Variants in ZRANB3 observed in about 807,000 individuals in gnomAD.
The protein encoded by ZRANB3 is DNA annealing helicase and endonuclease ZRANB3.
Under a neutral mutation model 133.8 loss-of-function variants are expected in ZRANB3, and 125 were observed. That is an observed-to-expected ratio of 0.93 (90% CI 0.81 to 1.08). The LOEUF (loss-of-function observed/expected upper bound fraction) is 1.08. Ranked by LOEUF, ZRANB3 falls within the 50% of genes least tolerant of loss-of-function variation. The probability of loss-of-function intolerance (pLI) is 0.00; values close to 1 mark genes in which losing one functional copy is unlikely to be tolerated. For missense variants in ZRANB3, 1,229 were observed against 1,275.5 expected (o/e 0.96, Z 0.56); for synonymous variants, 387 against 432.7 (o/e 0.89, Z 1.31).
chr2:135,394,543 C>G (rs1390226673), intron 2 of ZRANB3, among the ~76,000 whole-genome samples: 4 of 151,780 alleles, frequency 2.6e-5, no homozygotes, highest in Non-Finnish European at 5.9e-5. Flanking sequence ...GATGTGATCA[C>G]CTAGGAAGGA....
intron 2 of ZRANB3, among the ~76,000 whole-genome samples, chr2:135,467,266 C>T (rs1691041243): frequency 6.6e-6 from 1 of 152,180 alleles, no homozygotes. Context: ...TCTCTTAAGA[C>T]TCCCAAATAC....
chr2:135,288,336 A>G (rs1030105920), intron 8 of ZRANB3, among the ~76,000 whole-genome samples: 2 of 152,082 alleles, frequency 1.3e-5, no homozygotes, highest in Non-Finnish European at 2.9e-5. Flanking sequence ...TTGGTTAGCT[A>G]GTATTTTGTT....
intron 12 of ZRANB3, among the ~76,000 whole-genome samples, chr2:135,262,807 A>AC (rs1204310929): frequency 6.6e-5 from 10 of 151,868 alleles, no homozygotes; most frequent in Non-Finnish European, 1.5e-4. Context: ...TAAAAAAAAA[A>AC]AAGGCTAGGA....
intron 2 of ZRANB3, among the ~76,000 whole-genome samples, chr2:135,410,478 A>C (rs1202821127): frequency 6.6e-6 from 1 of 152,192 alleles, no homozygotes; most frequent in Admixed American, 6.5e-5. Context: ...CATATATAAA[A>C]ATTAACTCAA....
chr2:135,521,583 G>A (rs929979340), intron 1 of ZRANB3, among the ~76,000 whole-genome samples: 3 of 152,106 alleles, frequency 2.0e-5, no homozygotes, highest in Non-Finnish European at 4.4e-5. Flanking sequence ...ACTACAGAAG[G>A]TATTGGGTAA....
intron 2 of ZRANB3, among the ~76,000 whole-genome samples, chr2:135,414,666 A>G (rs1688471132): frequency 6.6e-6 from 1 of 152,106 alleles, no homozygotes; most frequent in African/African-American, 2.4e-5. Flanking sequence ...TTTCAGCACC[A>G]CACCACACCT....
intron 12 of ZRANB3, among the ~76,000 whole-genome samples, chr2:135,262,180 A>C (rs1427853669): frequency 6.9e-6 from 1 of 145,368 alleles, no homozygotes; most frequent in African/African-American, 2.6e-5. Context: ...AAAAAAAAAA[A>C]CAAAGAAAAC....
At chr2:135,509,919 C>G (rs1224429406) in intron 1 of ZRANB3, among the ~76,000 whole-genome samples, 1 of 151,660 alleles carries the variant, frequency 6.6e-6, no homozygotes, top group East Asian at 1.9e-4. Context: ...TTTTCCAAAC[C>G]CACTGTAAAA....
At chr2:135,294,275 C>T (rs1412636354) in intron 8 of ZRANB3, among the ~76,000 whole-genome samples, 3 of 151,222 alleles carry the variant, frequency 2.0e-5, no homozygotes, top group Non-Finnish European at 3.0e-5. Flanking sequence ...ATTTCAGAGC[C>T]TGTTATTGGT....
At position 135,313,301 on chromosome 2, in the gene ZRANB3, C is replaced by T. The variant is rs1409129375; in HGVS notation, c.966+188G>A. ...CTGGGAGGCGGAGGCTGCAGTGAGC[C>T]GAGATCACGCCACTGCATTCCAGCC... On this transcript the variant is annotated intron_variant, in intron 8 of 20. Transcript: ENST00000264159. 6.1e-5 allele frequency among the ~76,000 whole-genome samples: 9 copies of T among 146,406 alleles called. 1 individual carries two copies. The South Asian group carries it at 8.6e-4, about 14-fold the overall frequency.
At chr2:135,216,729 C>T (rs970251606) in intron 17 of ZRANB3, among the ~76,000 whole-genome samples, 7 of 152,104 alleles carry the variant, frequency 4.6e-5, no homozygotes, top group African/African-American at 1.4e-4. Flanking sequence ...CATGAGCCAC[C>T]GCGCGCAGCC....
chr2:135,493,149 ATATATATATATATATATATATAT>A (rs2104808785), intron 2 of ZRANB3, among the ~76,000 whole-genome samples: 4 of 67,948 alleles, frequency 5.9e-5, no homozygotes, highest in South Asian at 6.5e-4. Context: ...ATATATATAT[ATATATATATATATATATATATAT>A]AAATAGAAAA....
In ZRANB3 at chr2:135,345,588, C is replaced by T. The variant is rs1024535889; in HGVS notation, c.639G>A (p.Trp213Ter). 6.2e-7 allele frequency: 1 copy of T among 1,612,934 alleles called. No individual in the cohort carries two copies. Among genetic ancestry groups the T allele is most frequent in the African/African-American group, 1.3e-5 (1 of 74,996 alleles). Residue 213 changes from tryptophan (W) to a stop codon, truncating the protein, a stop_gained, in exon 6 of 21, where the codon TGG (tryptophan) becomes TGA (stop). Coordinates refer to ENST00000264159, the MANE Select transcript of ZRANB3 (RefSeq NM_032143.4). LOFTEE classifies it high-confidence loss of function. ...TACAGTATCTTTTTGCATAGTCGGT[C>T]CATCTTCCAAATTTTTGTGGAAAGA... ...EALFPQKFGR[W>*]TDYAKRYCNA...
chr2:135,265,444 A>G (rs771173609), intron 12 of ZRANB3, 90 bp downstream of exon 12: 9 of 1,329,096 alleles, frequency 6.8e-6, no homozygotes, highest in Non-Finnish European at 9.0e-6. Context: ...CACCATAAAT[A>G]ATTGAGAGTT....
intron 3 of ZRANB3, among the ~76,000 whole-genome samples, chr2:135,387,561 G>A (rs1383518931): frequency 6.6e-6 from 1 of 151,970 alleles, no homozygotes; most frequent in African/African-American, 2.4e-5. Context: ...TATTTCTATG[G>A]CCTGATTCTT....
intron 3 of ZRANB3, among the ~76,000 whole-genome samples, chr2:135,368,035 C>A (rs1686013484): frequency 6.6e-6 from 1 of 151,982 alleles, no homozygotes; most frequent in African/African-American, 2.4e-5. Flanking sequence ...CTCAAAAGAG[C>A]ACAGTCTGTC....
chr2:135,323,171 G>T (rs1257023290), intron 6 of ZRANB3, among the ~76,000 whole-genome samples: 1 of 151,974 alleles, frequency 6.6e-6, no homozygotes, highest in Non-Finnish European at 1.5e-5. Flanking sequence ...TTTCCAAAAT[G>T]GTTGTAGTAT....
At chr2:135,373,693 CATAAG>C (rs1363700982) in intron 3 of ZRANB3, among the ~76,000 whole-genome samples, 1 of 151,070 alleles carries the variant, frequency 6.6e-6, no homozygotes, top group African/African-American at 2.4e-5. Context: ...GAGGCTGAGG[CATAAG>C]AATCGCTTGA....
intron 2 of ZRANB3, among the ~76,000 whole-genome samples, chr2:135,400,145 CAGA>C (rs890371402): frequency 6.6e-6 from 1 of 152,006 alleles, no homozygotes; most frequent in African/African-American, 2.4e-5. Context: ...GAGGCTGAGG[CAGA>C]AGAATTGCTT....
Sources: gnomAD v4.1 joint callset for allele counts (sites outside exome capture counted in the v4.1 genomes callset) on GRCh38, gnomAD v4.1.1 for gene constraint, MANE v1.5 for transcripts, NCBI Gene and HGNC (gene_info 2026-07-23, HGNC 2026-07-21) for gene names.